The following PCGF1 variants were observed in gnomAD, a reference collection of about 807,000 sequenced individuals.
The protein encoded by PCGF1 is polycomb group ring finger 1, also known as polycomb group RING finger protein 1.
Under a neutral mutation model 38.8 loss-of-function variants are expected in PCGF1, and 10 were observed. The observed-to-expected ratio is 0.26, with a 90% CI of 0.16 to 0.44. PCGF1 has a LOEUF of 0.44. Among genes scored for constraint, PCGF1 ranks in the 20% least tolerant of loss-of-function variants. PCGF1 has a pLI of 1.00. For missense variants in PCGF1, 230 were observed against 331.5 expected, an observed-to-expected ratio of 0.69 and a Z score of 2.38; for synonymous variants, 119 against 121.3, an observed-to-expected ratio of 0.98 and a Z score of 0.12.
Position 74,507,648 on chromosome 2 carries a change from G to C in PCGF1, c.21C>G (p.Gly7=). 6.4e-7 allele frequency: 1 copy of C among 1,567,598 alleles called. No individual in the cohort carries two copies. The highest frequency in any genetic ancestry group is 8.6e-7 in the Non-Finnish European group (1 of 1,156,878). Residue 7 remains glycine (G), a synonymous_variant, in exon 1 of 9, where the codon GGC becomes GGG. Transcript: ENST00000233630. ...GAAGCCTCATCGCGATCGCAATCTG[G>C]CCCCCCTGAGGAGACGCCATCTTAA... MASPQG[G]QIAIAMRLRN... is the part of the protein sequence containing the mutation.
intron 1 of PCGF1, 56 bp downstream of exon 1, chr2:74,507,520 C>G (rs1205061682): frequency 3.2e-6 from 5 of 1,544,596 alleles, no homozygotes; most frequent in African/African-American, 2.7e-5. Context: ...CGTCCTTTAG[C>G]CCGCCCCAAT....
intron 1 of PCGF1, 198 bp downstream of exon 1, chr2:74,507,378 G>A (rs751136062): frequency 6.9e-7 from 1 of 1,452,570 alleles, no homozygotes; most frequent in Non-Finnish European, 9.0e-7. Flanking sequence ...TTTCCCAGGG[G>A]AGACTACACA....
Position 74,505,786 on chromosome 2 carries a change from C to T in PCGF1, c.531-16G>A. 2 of 1,614,064 alleles carry T rather than the reference C, an allele frequency of 1.2e-6. No homozygotes were observed. The highest frequency in any genetic ancestry group is 1.7e-6 in the Non-Finnish European group (2 of 1,179,968). ...TTTGCCAGAACTGGGGGGAAATAGA[C>T]ACAGGTTAGGGAATCCTATCTTTCC... On this transcript the variant is annotated splice_polypyrimidine_tract_variant and intron_variant, in intron 5 of 8. Transcript: ENST00000233630.
At chr2:74,506,656 A>G (rs900815003) in intron 3 of PCGF1, 76 bp downstream of exon 3, 1 of 1,546,982 alleles carries the variant, frequency 6.5e-7, no homozygotes, top group African/African-American at 1.4e-5. Flanking sequence ...CGTGAGTCCT[A>G]CCAAACCCGT....
intron 3 of PCGF1, 25 bp downstream of exon 3, chr2:74,506,707 C>T (rs41285991): frequency 0.098 from 157,674 of 1,612,414 alleles, 9,312 homozygotes; most frequent in Non-Finnish European, 0.11. Context: ...TCAAGAGGCC[C>T]CTCAAAGTCA....
At chr2:74,507,198 T>C (rs1674659645) in intron 1 of PCGF1, 51 bp from the exon 2 acceptor site, 1 of 1,576,908 alleles carries the variant, frequency 6.3e-7, no homozygotes, top group Non-Finnish European at 8.7e-7. Flanking sequence ...CCCCAACCCG[T>C]GCGCCTTCCC....
intron 3 of PCGF1, 155 bp downstream of exon 3, chr2:74,506,576 AG>A: frequency 1.2e-6 from 1 of 846,858 alleles, no homozygotes; most frequent in South Asian, 1.7e-5. Flanking sequence ...TCTCAAAAAA[AG>A]AAAAAAAAGA....
chr2:74,506,204 C>T lies in PCGF1; in HGVS notation c.401G>A (p.Arg134Gln), dbSNP rs1318486013. Residue 134 changes from arginine to glutamine, a missense_variant, in exon 4 of 9, where the codon CGG (arginine) becomes CAG (glutamine). Physicochemically the swap from Arg to Gln is conservative, Grantham distance 43. This residue lies in a region of PCGF1 where 144 missense variants were observed against 182.4 expected (regional missense o/e 0.79). Coordinates refer to ENST00000233630, the MANE Select transcript of PCGF1 (RefSeq NM_032673.3). ...REFYQSRGLD[R>Q]VTQPTGEEPA... is the part of the protein sequence containing the mutation. ...ACCTTCCCCAGTGGGCTGGGTGACC[C>T]GGTCCAAACCTCGGGACTGGTAGAA... 3 of 1,614,064 alleles carry T rather than the reference C, an allele frequency of 1.9e-6. No homozygotes were observed. The highest frequency in any genetic ancestry group is 1.1e-5 in the South Asian group (1 of 91,084).
chr2:74,507,559 C>A lies in PCGF1; in HGVS notation c.93+17G>T, dbSNP rs202099071. The A allele has an allele frequency of 6.6e-4, 1,038 of 1,573,786 alleles. 6 individuals are homozygous for A. The highest frequency in any genetic ancestry group is 2.1e-3 in the South Asian group (179 of 85,638). ...CACCGCTGGCCGACCACAGCAGTAA[C>A]CCTGCCGCCCTTGCACCTCGTTCCG... On this transcript the variant is annotated intron_variant, in intron 1 of 8. Transcript: ENST00000233630.
rs762497561 is a variant in PCGF1, at chr2:74,505,321, G to A, written c.732+18C>T. On this transcript the variant is annotated intron_variant, in intron 8 of 8. Coordinates refer to ENST00000233630, the MANE Select transcript of PCGF1 (RefSeq NM_032673.3). Reference sequence around the variant, plus strand: ...AGTCTGAAGGGGGTGTGATCCCAGGGAGGGTGGCCTGGCTTACCTTGCCGA... The same window carrying A: ...AGTCTGAAGGGGGTGTGATCCCAGGAAGGGTGGCCTGGCTTACCTTGCCGA... 1.9e-6 allele frequency: 3 copies of A among 1,600,904 alleles called. No homozygotes were observed. In the South Asian group the frequency reaches 3.4e-5, roughly 18 times the overall value.
rs1481454707 is a variant in PCGF1 at position 74,505,359 on chromosome 2, G to A, written c.712C>T (p.Leu238Phe). The A allele has an allele frequency of 1.2e-5, 20 of 1,609,790 alleles. No homozygotes were observed. Among genetic ancestry groups the A allele is most frequent in the Middle Eastern group, 1.7e-4 (1 of 6,056 alleles). The change falls in exon 8 of 9, where the codon CTC becomes TTC. Residue 238 changes from leucine (L) to phenylalanine (F), a missense_variant. This residue lies in a region of PCGF1 where 144 missense variants were observed against 182.4 expected (regional missense o/e 0.79). Transcript: ENST00000233630. ...PDHMTMKQIW[L>F]SRWFGKPSPL... ...CTTACCTTGCCGAACCAGCGGGAGA[G>A]CCATATCTGCTTCATTGTCATGTGA... is the stretch of plus-strand genomic sequence containing the variant.
At position 74,507,675 on chromosome 2, in the gene PCGF1, G is replaced by A; in HGVS notation, c.-7C>T. 2 of 1,554,560 alleles carry A rather than the reference G, an allele frequency of 1.3e-6. No individual in the cohort carries two copies. The highest frequency in any genetic ancestry group is 1.2e-5 in the South Asian group (1 of 84,258). On this transcript the variant is annotated 5_prime_UTR_variant, in exon 1 of 9. Coordinates refer to ENST00000233630, the MANE Select transcript of PCGF1 (RefSeq NM_032673.3). ...CCCCCTGAGGAGACGCCATCTTAAA[G>A]GCTGATCCCAGCCGGCCACTTCCGG...
Position 74,505,329 on chromosome 2 carries a change from C to T in PCGF1, c.732+10G>A. On this transcript the variant is annotated intron_variant, in intron 8 of 8. Transcript: ENST00000233630. ...GGGGGTGTGATCCCAGGGAGGGTGG[C>T]CTGGCTTACCTTGCCGAACCAGCGG... 2 of 1,603,124 alleles carry T rather than the reference C, an allele frequency of 1.2e-6. No individual in the cohort carries two copies. Among genetic ancestry groups the T allele is most frequent in the South Asian group, 1.1e-5 (1 of 89,272 alleles).
In PCGF1 at chr2:74,505,592, C is replaced by T; in HGVS notation, c.611G>A (p.Arg204Gln). ...CSVRAEVRHL[R>Q]RVLCHRLMLN... ...CATCAAGCGGTGACACAGGACCCTC[C>T]GGAGATGGCGTACCTCAGCTCTAAC... Residue 204 changes from arginine to glutamine, a missense_variant, in exon 7 of 9, where the codon CGG becomes CAG. Coordinates refer to ENST00000233630, the MANE Select transcript of PCGF1 (RefSeq NM_032673.3). 3.1e-6 allele frequency: 5 copies of T among 1,614,052 alleles called. No homozygotes were observed. Among genetic ancestry groups the T allele is most frequent in the African/African-American group, 1.3e-5 (1 of 74,998 alleles).
Position 74,505,200 on chromosome 2 carries a change from G to C in PCGF1, c.733-10C>G, listed in dbSNP as rs762431094. On this transcript the variant is annotated splice_polypyrimidine_tract_variant and intron_variant, in intron 8 of 8. Coordinates refer to ENST00000233630, the MANE Select transcript of PCGF1 (RefSeq NM_032673.3). ...AAAGCAAAGGGGATGGCTAAGGAGA[G>C]AATGAGGAAGTAGTAGTCAGTGGGG... The C allele has an allele frequency of 8.3e-5, 129 of 1,562,120 alleles. No homozygotes were observed. Among genetic ancestry groups the C allele is most frequent in the South Asian group, 5.2e-4 (43 of 82,736 alleles).
rs766800336 is a variant in PCGF1, at chr2:74,505,303, AG to A, written c.732+35del. The A allele has an allele frequency of 1.4e-5, 23 of 1,590,604 alleles. No homozygotes were observed. The Admixed American group carries it at 4.1e-4, about 28-fold the overall frequency. On this transcript the variant is annotated intron_variant, in intron 8 of 8. Transcript: ENST00000233630. ...TGTAGGATGGTTGGGGGGAGTCTGAAGGGGGTGTGATCCCAGGGAGGGTGGC... is the reference window on the plus strand; with the variant it reads ...TGTAGGATGGTTGGGGGGAGTCTGAAGGGGTGTGATCCCAGGGAGGGTGGC...
chr2:74,507,473 C>G (rs989927637), intron 1 of PCGF1, 103 bp downstream of exon 1: 2 of 1,510,248 alleles, frequency 1.3e-6, no homozygotes, highest in African/African-American at 2.8e-5. Flanking sequence ...CACTCTGTCT[C>G]TGCGCAGGCG....
rs1674672591 is a variant in PCGF1, at chr2:74,507,589, G to A, written c.80C>T (p.Pro27Leu). The change falls in exon 1 of 9, where the codon CCG (proline) becomes CTG (leucine). Residue 27 changes from proline (P) to leucine (L), a missense_variant. By Grantham distance (98) the Pro-to-Leu change is moderately conservative. Around this residue, in one of 3 missense-constraint regions of PCGF1, gnomAD observed 46 missense variants for 35.9 expected, o/e 1.28. Coordinates refer to ENST00000233630, the MANE Select transcript of PCGF1 (RefSeq NM_032673.3). The stretch of plus-strand genomic sequence containing the variant: ...CCGCCCTTGCACCTCGTTCCGTAGC[G>A]GGTCCATCTTGTACACTGACTGGAG... ...NQLQSVYKMDPLRNEEEVRVK... is the reference protein window; with the variant it reads ...NQLQSVYKMDLLRNEEEVRVK... 1.3e-6 allele frequency: 2 copies of A among 1,588,666 alleles called. No individual in the cohort carries two copies. The highest frequency in any genetic ancestry group is 8.6e-7 in the Non-Finnish European group (1 of 1,168,084).
At chr2:74,506,315 C>T (rs1370443487) in intron 3 of PCGF1, 63 bp from the exon 4 acceptor site, 65 of 1,479,662 alleles carry the variant, frequency 4.4e-5, no homozygotes, top group African/African-American at 6.9e-5. Flanking sequence ...CGGTGGCTCA[C>T]GCCTGTAATC....
Sources: gnomAD v4.1 joint callset for allele counts on GRCh38, gnomAD v4.1.1 for gene constraint, gnomAD v4.1.1 regional missense constraint, MANE v1.5 for transcripts, NCBI Gene and HGNC (gene_info 2026-07-23, HGNC 2026-07-21) for gene names.